The following PPARGC1A variants were observed in gnomAD, a reference collection of about 807,000 sequenced individuals.
The protein encoded by PPARGC1A is PPARG coactivator 1 alpha.
PPARGC1A carries 25 observed loss-of-function variants against 88.7 expected under a neutral mutation model. The ratio of observed to expected loss-of-function variants is 0.28; its 90% confidence interval spans 0.21 to 0.39. The LOEUF is 0.39. PPARGC1A is among the 10% of genes least tolerant of loss of function. PPARGC1A has a pLI of 1.00. For synonymous variants in PPARGC1A, 363 were observed against 355.6 expected, an observed-to-expected ratio of 1.02 and a Z score of -0.24; for missense variants, 880 against 968.7, an observed-to-expected ratio of 0.91 and a Z score of 1.22.
the PPARGC1A span, among the ~76,000 whole-genome samples, chr4:23,913,460 T>A: frequency 6.6e-6 from 1 of 151,806 alleles, no homozygotes. Context: ...ACATAGTAAA[T>A]GAGCTTATGG....
chr4:24,134,331 T>C, the PPARGC1A span, among the ~76,000 whole-genome samples: 4 of 152,260 alleles, frequency 2.6e-5, no homozygotes, highest in Non-Finnish European at 5.9e-5. Flanking sequence ...ATCATGTTCC[T>C]AAACTTATTC....
intron 2 of PPARGC1A, among the ~76,000 whole-genome samples, chr4:23,860,416 A>G (rs1731038132): frequency 6.6e-6 from 1 of 152,122 alleles, no homozygotes; most frequent in Non-Finnish European, 1.5e-5. Flanking sequence ...CATGAGGACT[A>G]TGGTTAGTAA....
At chr4:24,022,019 G>A in the PPARGC1A span, among the ~76,000 whole-genome samples, 6 of 152,322 alleles carry the variant, frequency 3.9e-5, no homozygotes, top group East Asian at 1.2e-3. Flanking sequence ...TGAGACAGGA[G>A]AGGCGAGGAG....
chr4:23,851,162 C>T (rs550302566), intron 2 of PPARGC1A, among the ~76,000 whole-genome samples: 1 of 152,276 alleles, frequency 6.6e-6, no homozygotes, highest in African/African-American at 2.4e-5. Context: ...ACAATTTCAT[C>T]ACTGGAACAA....
chr4:24,219,666 C>T, the PPARGC1A span, among the ~76,000 whole-genome samples: 1 of 152,196 alleles, frequency 6.6e-6, no homozygotes, highest in African/African-American at 2.4e-5. Context: ...CTCCTCCAAA[C>T]ATGGACGCTT....
the PPARGC1A span, among the ~76,000 whole-genome samples, chr4:24,348,768 C>T: frequency 6.6e-6 from 1 of 152,092 alleles, no homozygotes; most frequent in Admixed American, 6.5e-5. Flanking sequence ...TGATCTTTCC[C>T]TTATTAGCTA....
chr4:24,326,466 C>G, the PPARGC1A span, among the ~76,000 whole-genome samples: 1 of 151,090 alleles, frequency 6.6e-6, no homozygotes, highest in Non-Finnish European at 1.5e-5. Context: ...CTCAAACATG[C>G]TTTCTTTACT....
intron 12 of PPARGC1A, among the ~76,000 whole-genome samples, 193 bp from the exon 13 acceptor site, chr4:23,796,118 G>A (rs372497009): frequency 5.3e-5 from 8 of 151,954 alleles, no homozygotes; most frequent in Admixed American, 1.3e-4. Context: ...TCAAAAACAC[G>A]CACCTGTTGA....
At chr4:24,098,816 C>T in the PPARGC1A span, among the ~76,000 whole-genome samples, 3,747 of 152,276 alleles carry the variant, frequency 0.025, 136 homozygotes, top group African/African-American at 0.072. Context: ...ATTACTTTGA[C>T]ATGTTTGTGC....
At chr4:24,105,157 A>G in the PPARGC1A span, among the ~76,000 whole-genome samples, 1 of 152,234 alleles carries the variant, frequency 6.6e-6, no homozygotes, top group Non-Finnish European at 1.5e-5. Context: ...CTTGATTAAC[A>G]CTAGAGCACA....
the PPARGC1A span, among the ~76,000 whole-genome samples, chr4:24,206,192 G>A: frequency 6.6e-6 from 1 of 152,212 alleles, no homozygotes; most frequent in Non-Finnish European, 1.5e-5. Flanking sequence ...ATTTTGCTTA[G>A]TGAAGAAGCT....
At chr4:24,116,256 T>C in the PPARGC1A span, among the ~76,000 whole-genome samples, 2 of 152,230 alleles carry the variant, frequency 1.3e-5, no homozygotes, top group Admixed American at 6.5e-5. Context: ...ATTTATTGAG[T>C]GCCCTGTCTG....
intron 2 of PPARGC1A, among the ~76,000 whole-genome samples, chr4:23,849,039 G>A (rs527462031): frequency 5.3e-5 from 8 of 152,242 alleles, no homozygotes; most frequent in African/African-American, 1.9e-4. Flanking sequence ...AGCTACTCGG[G>A]AGGCTGAGGC....
the PPARGC1A span, among the ~76,000 whole-genome samples, chr4:24,175,782 A>T: frequency 0.36 from 53,888 of 151,586 alleles, 11,151 homozygotes; most frequent in African/African-American, 0.56. Flanking sequence ...AAATATTTTT[A>T]AAAAATATTT....
the PPARGC1A span, among the ~76,000 whole-genome samples, chr4:23,915,564 C>G: frequency 6.6e-6 from 1 of 152,154 alleles, no homozygotes; most frequent in Non-Finnish European, 1.5e-5. Context: ...ATCTATTCTG[C>G]TAAAATGTAA....
chr4:24,119,330 C>T, the PPARGC1A span, among the ~76,000 whole-genome samples: 196 of 152,210 alleles, frequency 1.3e-3, no homozygotes, highest in African/African-American at 4.5e-3. Flanking sequence ...GAAGCACATT[C>T]GGAATGTCTC....
chr4:23,845,182 T>C (rs1213195622), intron 2 of PPARGC1A, among the ~76,000 whole-genome samples: 1 of 152,082 alleles, frequency 6.6e-6, no homozygotes, highest in African/African-American at 2.4e-5. Context: ...AGCTCTGCTG[T>C]TACAAATTAG....
chr4:24,261,563 A>G, the PPARGC1A span, among the ~76,000 whole-genome samples: 1 of 152,156 alleles, frequency 6.6e-6, no homozygotes, highest in Non-Finnish European at 1.5e-5. Flanking sequence ...GCCAATTATG[A>G]TTTGCTTTAT....
chr4:23,942,562 A>G, the PPARGC1A span, among the ~76,000 whole-genome samples: 8 of 152,166 alleles, frequency 5.3e-5, no homozygotes, highest in Non-Finnish European at 1.0e-4. Flanking sequence ...TCACTTCCAC[A>G]CTTACTGAAT....
Sources: allele counts gnomAD v4.1 joint callset (sites outside exome capture counted in the v4.1 genomes callset), GRCh38; gene constraint gnomAD v4.1.1; transcripts MANE v1.5; gene names NCBI Gene and HGNC (gene_info 2026-07-23, HGNC 2026-07-21).